SH3RF3: variants seen among roughly 807,000 people sequenced by gnomAD.
SH3RF3 encodes the protein SH3 domain containing ring finger 3.
A neutral mutation model predicts 66.3 loss-of-function variants in SH3RF3; 29 were observed. The ratio of observed to expected loss-of-function variants is 0.44; its 90% CI spans 0.33 to 0.60. The LOEUF is 0.60. Among genes scored for constraint, SH3RF3 ranks in the 20% least tolerant of loss-of-function variants. SH3RF3 has a pLI of 0.04. For missense variants in SH3RF3, 1,194 were observed against 1,190.9 expected, an observed-to-expected ratio of 1.00 and a Z score of -0.04; for synonymous variants, 583 against 532.0, an observed-to-expected ratio of 1.10 and a Z score of -1.32.
intron 3 of SH3RF3, among the ~76,000 whole-genome samples, chr2:109,389,752 T>C (rs1675930598): frequency 6.6e-6 from 1 of 152,224 alleles, no homozygotes; most frequent in Admixed American, 6.5e-5. Flanking sequence ...CACCAAAAGA[T>C]ACACATTACA....
chr2:109,297,948 AC>A (rs1278956171), intron 1 of SH3RF3, among the ~76,000 whole-genome samples: 1 of 149,940 alleles, frequency 6.7e-6, no homozygotes, highest in African/African-American at 2.5e-5. Context: ...CCACCACCAG[AC>A]TAGTGCCCCT....
At chr2:109,258,254 G>T (rs1163596571) in intron 1 of SH3RF3, among the ~76,000 whole-genome samples, 2 of 152,182 alleles carry the variant, frequency 1.3e-5, no homozygotes, top group African/African-American at 4.8e-5. Context: ...GTTTGTAGGG[G>T]CTGAAGGGAA....
chr2:109,144,148 A>G (rs1387419716), intron 1 of SH3RF3, among the ~76,000 whole-genome samples: 2 of 152,268 alleles, frequency 1.3e-5, no homozygotes, highest in African/African-American at 2.4e-5. Flanking sequence ...ATAGTTAACA[A>G]TACTCGATTA....
At chr2:109,354,916 C>T (rs1255436426) in intron 2 of SH3RF3, among the ~76,000 whole-genome samples, 3 of 152,152 alleles carry the variant, frequency 2.0e-5, no homozygotes, top group Admixed American at 6.5e-5. Flanking sequence ...GTAGTATTTA[C>T]GAAGCTTAGG....
At chr2:109,490,552 A>G (rs1034287759) in intron 8 of SH3RF3, 53 bp from the exon 9 acceptor site, 41 of 1,330,294 alleles carry the variant, frequency 3.1e-5, no homozygotes, top group African/African-American at 5.9e-5. Flanking sequence ...TCTGACAGCA[A>G]GGGCATTGGG....
At chr2:109,206,454 G>A (rs1480613184) in intron 1 of SH3RF3, among the ~76,000 whole-genome samples, 1 of 126,460 alleles carries the variant, frequency 7.9e-6, no homozygotes, top group Non-Finnish European at 1.6e-5. Flanking sequence ...TCGTGCCACC[G>A]CACTCCAGCC....
chr2:109,485,755 T>C (rs1678951711), intron 8 of SH3RF3, among the ~76,000 whole-genome samples: 1 of 152,264 alleles, frequency 6.6e-6, no homozygotes. Flanking sequence ...ACATGGCTTT[T>C]TCTGGATATA....
At chr2:109,148,530 T>C (rs1419115718) in intron 1 of SH3RF3, among the ~76,000 whole-genome samples, 1 of 152,248 alleles carries the variant, frequency 6.6e-6, no homozygotes, top group Non-Finnish European at 1.5e-5. Flanking sequence ...TAATTGGCTC[T>C]GGGGAATATT....
chr2:109,294,238 G>A (rs576098246), intron 1 of SH3RF3, among the ~76,000 whole-genome samples: 1 of 152,252 alleles, frequency 6.6e-6, no homozygotes, highest in South Asian at 2.1e-4. Flanking sequence ...GACATGGGGA[G>A]CTGCTCTGAA....
Position 109,427,444 on chromosome 2 carries a change from C to T in SH3RF3, c.1404-5057C>T, listed in dbSNP as rs115187655. Among the ~76,000 whole-genome samples the T allele has an allele frequency of 4.8e-3, 725 of 152,288 alleles. 1 individual carries two copies. The highest frequency in any genetic ancestry group is 0.015 in the African/African-American group (633 of 41,548). On this transcript the variant is annotated intron_variant, in intron 5 of 9. Transcript: ENST00000309415. ...TTGGGGCAGTCTGGAACCAAACCCA[C>T]GAGTATCCCACAGGTATGCCTGTAC... is the stretch of plus-strand genomic sequence containing the variant.
intron 8 of SH3RF3, among the ~76,000 whole-genome samples, chr2:109,458,273 A>G (rs924263509): frequency 6.6e-5 from 10 of 152,148 alleles, no homozygotes; most frequent in African/African-American, 2.4e-4. Context: ...TTTTCAGAGG[A>G]TTCACACTCT....
In SH3RF3 at chr2:109,437,036, C is replaced by T. The variant is rs756799357; in HGVS notation, c.1718C>T (p.Thr573Ile). Residue 573 changes from threonine (T) to isoleucine (I), a missense_variant, in exon 7 of 10, where the codon ACC (threonine) becomes ATC (isoleucine). Coordinates refer to ENST00000309415, the MANE Select transcript of SH3RF3 (RefSeq NM_001099289.3). Reference protein sequence around the residue: ...ATATRPALPITTPQAHAQHPT... With the variant: ...ATATRPALPIITPQAHAQHPT... ...GCCACCAGGCCCGCCCTGCCCATCA[C>T]CACTCCCCAGGCCCACGCCCAGCAC... is the stretch of plus-strand genomic sequence containing the variant. The T allele has an allele frequency of 1.9e-6, 3 of 1,613,902 alleles. No individual in the cohort carries two copies. The highest frequency in any genetic ancestry group is 1.7e-6 in the Non-Finnish European group (2 of 1,179,904).
Position 109,501,699 on chromosome 2 carries a change from CAG to C in SH3RF3, c.*31_*32del, listed in dbSNP as rs1679391883. ...ACTGGTGCTCCCTGCACCCAGCTCA[CAG>C]AGGGGGAGGCCGCCTGGGAAGCTCC... On this transcript the variant is annotated 3_prime_UTR_variant, in exon 10 of 10. Coordinates refer to ENST00000309415, the MANE Select transcript of SH3RF3 (RefSeq NM_001099289.3). The C allele has an allele frequency of 1.4e-6, 1 of 735,726 alleles. No individual in the cohort carries two copies. Among genetic ancestry groups the C allele is most frequent in the Admixed American group, 1.9e-5 (1 of 52,812 alleles). 45.6% of individuals were successfully genotyped at this position (735,726 alleles called of 1,614,324 possible).
intron 1 of SH3RF3, among the ~76,000 whole-genome samples, chr2:109,165,366 A>T (rs1032998960): frequency 1.3e-5 from 2 of 152,138 alleles, no homozygotes; most frequent in Non-Finnish European, 2.9e-5. Flanking sequence ...ATGTTGGCGG[A>T]TGCTGTCCAT....
At chr2:109,364,616 G>A (rs1025098696) in intron 2 of SH3RF3, among the ~76,000 whole-genome samples, 4 of 152,156 alleles carry the variant, frequency 2.6e-5, no homozygotes, top group African/African-American at 4.8e-5. Context: ...GGGGCCATGC[G>A]GCCACAAATG....
At chr2:109,141,124 G>A (rs888990249) in intron 1 of SH3RF3, among the ~76,000 whole-genome samples, 4 of 152,120 alleles carry the variant, frequency 2.6e-5, no homozygotes, top group Admixed American at 6.6e-5. Flanking sequence ...CATCCAGGTG[G>A]AAAGATGCAA....
intron 1 of SH3RF3, among the ~76,000 whole-genome samples, chr2:109,254,297 G>A (rs1157153366): frequency 6.6e-6 from 1 of 152,172 alleles, no homozygotes; most frequent in Non-Finnish European, 1.5e-5. Context: ...GTGGCTTAGA[G>A]TGCAGACCAA....
chr2:109,380,693 T>A (rs1683490900), intron 3 of SH3RF3, among the ~76,000 whole-genome samples: 2 of 152,210 alleles, frequency 1.3e-5, no homozygotes, highest in African/African-American at 4.8e-5. Context: ...TGTCAGGGCC[T>A]GGCGAAGGGG....
chr2:109,130,978 A>G (rs544909696), intron 1 of SH3RF3, among the ~76,000 whole-genome samples: 1 of 152,218 alleles, frequency 6.6e-6, no homozygotes, highest in East Asian at 1.9e-4. Context: ...GGGTTTTGTT[A>G]ATTTCTTTAA....
Sources: allele counts gnomAD v4.1 joint callset (sites outside exome capture counted in the v4.1 genomes callset), GRCh38; gene constraint gnomAD v4.1.1; transcripts MANE v1.5; gene names NCBI Gene and HGNC (gene_info 2026-07-23, HGNC 2026-07-21).